Variants in SRBD1 observed in about 807,000 individuals in gnomAD.
SRBD1 encodes S1 RNA-binding domain-containing protein 1.
In SRBD1, 88 loss-of-function variants were observed where a neutral mutation model predicts 115.3. The ratio of observed to expected loss-of-function variants is 0.76; its 90% CI spans 0.64 to 0.91. The LOEUF (loss-of-function observed/expected upper bound fraction) is 0.91. SRBD1 is among the 40% of genes least tolerant of loss of function. The probability of loss-of-function intolerance (pLI) is 0.00; values close to 1 mark genes in which losing one functional copy is unlikely to be tolerated. For missense variants in SRBD1, 1,385 were observed against 1,177.4 expected (o/e 1.18, Z -2.58); for synonymous variants, 509 against 407.7 (o/e 1.25, Z -2.99).
At chr2:45,597,967 T>C (rs772554192) in intron 4 of SRBD1, among the ~76,000 whole-genome samples, 70 of 152,194 alleles carry the variant, frequency 4.6e-4, no homozygotes, top group Non-Finnish European at 2.5e-4. Context: ...CACTGCCAAC[T>C]ACCAGAGGTG....
chr2:45,539,885 T>C (rs191707798), intron 14 of SRBD1, among the ~76,000 whole-genome samples: 1 of 152,030 alleles, frequency 6.6e-6, no homozygotes, highest in Non-Finnish European at 1.5e-5. Flanking sequence ...ATAGCAGAAA[T>C]AAAATTACAA....
chr2:45,541,424 T>C (rs572276578), intron 14 of SRBD1, among the ~76,000 whole-genome samples: 2 of 152,336 alleles, frequency 1.3e-5, no homozygotes, highest in East Asian at 3.9e-4. Context: ...GCCCTGTTTG[T>C]GTTACAGCTG....
intron 4 of SRBD1, among the ~76,000 whole-genome samples, chr2:45,596,129 G>A (rs1227090349): frequency 2.6e-5 from 4 of 152,172 alleles, no homozygotes; most frequent in Non-Finnish European, 5.9e-5. Flanking sequence ...TTGCTTCCAA[G>A]TCACTATTCC....
At chr2:45,576,410 T>A (rs1234744679) in intron 7 of SRBD1, among the ~76,000 whole-genome samples, 1 of 152,054 alleles carries the variant, frequency 6.6e-6, no homozygotes, top group Non-Finnish European at 1.5e-5. Context: ...ATACCTAAAT[T>A]TTCAACTTTG....
At chr2:45,530,644 G>A (rs370160355) in intron 14 of SRBD1, among the ~76,000 whole-genome samples, 32 of 152,132 alleles carry the variant, frequency 2.1e-4, no homozygotes, top group Middle Eastern at 6.8e-3. Flanking sequence ...AAGGGGAGCA[G>A]GACAGAGGTT....
At chr2:45,474,251 G>C (rs57072359) in intron 16 of SRBD1, among the ~76,000 whole-genome samples, 1 of 151,972 alleles carries the variant, frequency 6.6e-6, no homozygotes. Context: ...TATTAAGTTT[G>C]GTGCCTCATT....
intron 16 of SRBD1, among the ~76,000 whole-genome samples, chr2:45,443,024 G>A (rs1235462254): frequency 1.3e-5 from 2 of 152,150 alleles, no homozygotes. Flanking sequence ...CAAAAAAAGG[G>A]GAAAGTACTA....
At chr2:45,485,661 G>T (rs1558426646) in intron 15 of SRBD1, among the ~76,000 whole-genome samples, 1 of 152,116 alleles carries the variant, frequency 6.6e-6, no homozygotes, top group Non-Finnish European at 1.5e-5. Context: ...AGTAATGAGG[G>T]TTATTTTCTT....
intron 16 of SRBD1, among the ~76,000 whole-genome samples, chr2:45,442,852 C>T (rs922169768): frequency 6.6e-6 from 1 of 152,130 alleles, no homozygotes; most frequent in African/African-American, 2.4e-5. Context: ...ACATGCCACC[C>T]TTTTATAATA....
intron 4 of SRBD1, among the ~76,000 whole-genome samples, chr2:45,595,095 G>C (rs560087424): frequency 6.6e-6 from 1 of 152,178 alleles, no homozygotes; most frequent in Non-Finnish European, 1.5e-5. Context: ...AGTGTTGCTT[G>C]ATTCTAGAAT....
At chr2:45,610,198 A>G (rs1674401216) in intron 1 of SRBD1, among the ~76,000 whole-genome samples, 1 of 152,242 alleles carries the variant, frequency 6.6e-6, no homozygotes, top group Admixed American at 6.5e-5. Context: ...CTAAGGGAAG[A>G]GCCACTAAAC....
intron 19 of SRBD1, among the ~76,000 whole-genome samples, chr2:45,398,696 C>T (rs74733001): frequency 0.015 from 2,221 of 152,188 alleles, 29 homozygotes; most frequent in Non-Finnish European, 0.023. Flanking sequence ...TAGAAATCTT[C>T]TAAAAGATTT....
At chr2:45,515,255 C>A (rs1360923922) in intron 14 of SRBD1, among the ~76,000 whole-genome samples, 1 of 152,142 alleles carries the variant, frequency 6.6e-6, no homozygotes, top group Non-Finnish European at 1.5e-5. Context: ...GTATTAATTT[C>A]TTTAACTATC....
At chr2:45,435,606 G>A (rs1034133239) in intron 16 of SRBD1, among the ~76,000 whole-genome samples, 2 of 149,932 alleles carry the variant, frequency 1.3e-5, no homozygotes, top group Non-Finnish European at 1.5e-5. Flanking sequence ...TGAGTTGGCA[G>A]CTACCCAGAG....
At chr2:45,410,012 C>T (rs1178441299) in intron 19 of SRBD1, among the ~76,000 whole-genome samples, 1 of 152,050 alleles carries the variant, frequency 6.6e-6, no homozygotes, top group Non-Finnish European at 1.5e-5. Context: ...TGACAAAGTA[C>T]ATTTTTATAT....
chr2:45,403,598 C>T (rs1038900360), intron 19 of SRBD1, among the ~76,000 whole-genome samples: 1 of 152,128 alleles, frequency 6.6e-6, no homozygotes, highest in African/African-American at 2.4e-5. Flanking sequence ...TTAATTGTCA[C>T]TAGCTTAGTA....
chr2:45,454,901 A>C (rs1669106494), intron 16 of SRBD1, among the ~76,000 whole-genome samples: 3 of 151,924 alleles, frequency 2.0e-5, no homozygotes, highest in Non-Finnish European at 4.4e-5. Context: ...TAAGAAGTAA[A>C]AAATTTTACT....
At chr2:45,572,662 G>A (rs995110015) in intron 9 of SRBD1, among the ~76,000 whole-genome samples, 9 of 151,932 alleles carry the variant, frequency 5.9e-5, no homozygotes, top group Admixed American at 5.9e-4. Flanking sequence ...AAATATAAAC[G>A]CCAGTGTTAC....
chr2:45,417,725 T>C lies in SRBD1; in HGVS notation c.2333+640A>G, dbSNP rs1667873072. ...TTTAGCTCTTGATCCACACAACTGA[T>C]AATCAATGCTTTGGTCCATTTTCAG... On this transcript the variant is annotated intron_variant, in intron 18 of 20. Transcript: ENST00000263736. 2.0e-5 allele frequency among the ~76,000 whole-genome samples: 3 copies of C among 152,232 alleles called. No homozygotes were observed. The South Asian group carries it at 6.2e-4, about 32-fold the overall frequency.
Sources: allele counts gnomAD v4.1 joint callset (sites outside exome capture counted in the v4.1 genomes callset), GRCh38; gene constraint gnomAD v4.1.1; transcripts MANE v1.5; gene names NCBI Gene and HGNC (gene_info 2026-07-23, HGNC 2026-07-21).